The following TAF2 variants were observed in gnomAD, a reference collection of about 807,000 sequenced individuals.
The protein encoded by TAF2 is TATA-box binding protein associated factor 2.
Under a neutral mutation model 138.5 loss-of-function variants are expected in TAF2, and 61 were observed. The observed-to-expected ratio is 0.44, with a 90% confidence interval of 0.36 to 0.54. TAF2 has a LOEUF of 0.54. TAF2 is among the 20% of genes least tolerant of loss of function. The probability of loss-of-function intolerance (pLI) is 0.00; values close to 1 mark genes in which losing one functional copy is unlikely to be tolerated. For synonymous variants in TAF2, 475 were observed against 469.9 expected (o/e 1.01, Z -0.14); for missense variants, 1,090 against 1,427.9 (o/e 0.76, Z 3.81).
rs982790632 is a variant in TAF2 at position 119,832,560 on chromosome 8, G to T, written c.5C>A (p.Pro2Gln). The T allele has an allele frequency of 4.3e-6, 7 of 1,612,882 alleles. No individual in the cohort carries two copies. The highest frequency in any genetic ancestry group is 1.1e-5 in the South Asian group (1 of 91,068). The part of the protein sequence containing the change: M[P>Q]LTGVEPARMN... ...TCTGGCGGGCTCTACACCAGTCAGC[G>T]GCATGAAGCGGTCCCGCGGAGCTTG... The change falls in exon 1 of 26, where the codon CCG becomes CAG. Residue 2 changes from proline to glutamine, a missense_variant. Physicochemically the swap from Pro to Gln is moderately conservative, Grantham distance 76. Around this residue, in one of 3 missense-constraint regions of TAF2, gnomAD observed 504 missense variants for 680.9 expected, o/e 0.74. Coordinates refer to ENST00000378164, the MANE Select transcript of TAF2 (RefSeq NM_003184.4).
At chr8:119,783,907 A>C (rs574537988) in intron 15 of TAF2, among the ~76,000 whole-genome samples, 48 of 152,328 alleles carry the variant, frequency 3.2e-4, no homozygotes, top group African/African-American at 1.1e-3. Flanking sequence ...TTTACAAAGG[A>C]CACTGAATCT....
At chr8:119,791,679 C>T in intron 10 of TAF2, 6 of 481,222 alleles carry the variant, frequency 1.2e-5, no homozygotes, top group East Asian at 1.1e-4. Flanking sequence ...GAAACAAACA[C>T]CAAGCTCCTA....
intron 3 of TAF2, among the ~76,000 whole-genome samples, chr8:119,813,195 T>C (rs1825218053): frequency 6.6e-6 from 1 of 152,222 alleles, no homozygotes; most frequent in Non-Finnish European, 1.5e-5. Flanking sequence ...TCCCTGATCA[T>C]TAGTGATGTT....
intron 18 of TAF2, among the ~76,000 whole-genome samples, chr8:119,775,991 G>A (rs895604483): frequency 1.3e-5 from 2 of 152,036 alleles, no homozygotes; most frequent in Admixed American, 1.3e-4. Context: ...AGCCATTTGA[G>A]CAAAACAATA....
Position 119,831,828 on chromosome 8 carries a change from T to G in TAF2, c.84-97A>C, listed in dbSNP as rs1450921211. 4 of 819,106 alleles carry G rather than the reference T, an allele frequency of 4.9e-6. No homozygotes were observed. In the Admixed American group the frequency reaches 1.1e-4, roughly 23 times the overall value. 50.7% of individuals were successfully genotyped at this position (819,106 alleles called of 1,614,324 possible). ...CCAAGTATAAATTAGGACTATGTTC[T>G]AAGTAATTCAAAATTACATGTCAAT... On this transcript the variant is annotated intron_variant, in intron 1 of 25. Coordinates refer to ENST00000378164, the MANE Select transcript of TAF2 (RefSeq NM_003184.4).
chr8:119,745,176 T>C lies in TAF2; in HGVS notation c.3109-783A>G, dbSNP rs1164593500. 11 of 345,630 alleles carry C rather than the reference T, an allele frequency of 3.2e-5. No homozygotes were observed. The Admixed American group carries it at 4.1e-4, about 13-fold the overall frequency. 21.4% of individuals were successfully genotyped at this position (345,630 alleles called of 1,614,324 possible). ...TTATCAGCAATGGGCTTAAAATAAA[T>C]GTAATCTTTTCTTGTCTGCTGGTCT... On this transcript the variant is annotated intron_variant, in intron 23 of 25. Transcript: ENST00000378164.
rs1374559706 is a variant in TAF2, at chr8:119,732,202, T to C, written c.3338-16A>G. Reference sequence around the variant, plus strand: ...TGTTCTTTACCTTCAAGATTAAAAATACCCAAATGAATTCCTGCTGATGAT... The same window carrying C: ...TGTTCTTTACCTTCAAGATTAAAAACACCCAAATGAATTCCTGCTGATGAT... On this transcript the variant is annotated splice_polypyrimidine_tract_variant and intron_variant, in intron 25 of 25. Coordinates refer to ENST00000378164, the MANE Select transcript of TAF2 (RefSeq NM_003184.4). The C allele has an allele frequency of 1.2e-6, 2 of 1,611,128 alleles. No homozygotes were observed. The highest frequency in any genetic ancestry group is 1.7e-6 in the Non-Finnish European group (2 of 1,177,382).
intron 2 of TAF2, among the ~76,000 whole-genome samples, chr8:119,822,396 A>AT (rs1825852736): frequency 6.6e-6 from 1 of 151,466 alleles, no homozygotes; most frequent in Non-Finnish European, 1.5e-5. Flanking sequence ...TTAATTAAAA[A>AT]TTTTTTTCTC....
At chr8:119,757,627 C>T (rs558026095) in intron 21 of TAF2, among the ~76,000 whole-genome samples, 2 of 150,260 alleles carry the variant, frequency 1.3e-5, no homozygotes, top group Admixed American at 6.6e-5. Context: ...GTGGCTCACA[C>T]CTATAATCCT....
rs1489420701 is a variant in TAF2, at chr8:119,803,974, G to A, written c.464C>T (p.Pro155Leu). The A allele has an allele frequency of 1.2e-6, 2 of 1,613,872 alleles. No homozygotes were observed. Among genetic ancestry groups the A allele is most frequent in the South Asian group, 2.2e-5 (2 of 91,066 alleles). The part of the protein sequence containing the change: ...KIHINFSLDQ[P>L]KGGLHFVVPS... ...TACCACAAAATGAAGACCTCCTTTG[G>A]GCTGATCCAAAGAAAAATTGATGTG... The change falls in exon 5 of 26, where the codon CCC becomes CTC. Residue 155 changes from proline to leucine, a missense_variant. By Grantham distance (98) the Pro-to-Leu change is moderately conservative (BLOSUM62 -3). This residue lies in a region of TAF2 where 504 missense variants were observed against 680.9 expected (regional missense o/e 0.74). Transcript: ENST00000378164.
intron 8 of TAF2, 21 bp from the exon 9 acceptor site, chr8:119,795,652 T>C (rs368919090): frequency 1.9e-6 from 3 of 1,602,446 alleles, no homozygotes; most frequent in Non-Finnish European, 2.6e-6. Flanking sequence ...AGTCAAAGCA[T>C]AAATTACTTT....
chr8:119,781,275 A>G, intron 16 of TAF2, 82 bp from the exon 17 acceptor site: 1 of 1,489,994 alleles, frequency 6.7e-7, no homozygotes, highest in Non-Finnish European at 9.2e-7. Flanking sequence ...AAAAGTTATC[A>G]ATACTACAAC....
chr8:119,758,016 T>C (rs1462011655), intron 21 of TAF2, 57 bp downstream of exon 21: 2 of 1,388,408 alleles, frequency 1.4e-6, no homozygotes, highest in East Asian at 4.6e-5. Flanking sequence ...AATCTGAAAT[T>C]ACTCAGTTCA....
At chr8:119,760,810 G>C (rs1392277267) in intron 19 of TAF2, 72 bp from the exon 20 acceptor site, 2 of 1,594,502 alleles carry the variant, frequency 1.3e-6, no homozygotes, top group Non-Finnish European at 8.6e-7. Context: ...CTAGGCATTA[G>C]AGAATCCTTT....
intron 8 of TAF2, among the ~76,000 whole-genome samples, chr8:119,796,283 G>C (rs957447626): frequency 1.3e-5 from 2 of 151,660 alleles, no homozygotes; most frequent in Admixed American, 1.3e-4. Flanking sequence ...TCTATCTTTA[G>C]TCTCTGCCCT....
chr8:119,802,135 T>G, intron 5 of TAF2, 110 bp from the exon 6 acceptor site: 1 of 946,768 alleles, frequency 1.1e-6, no homozygotes, highest in Non-Finnish European at 1.6e-6. Context: ...ACAAAACCTT[T>G]AGCTATTTGG....
At chr8:119,782,557 T>C (rs913412560) in intron 16 of TAF2, among the ~76,000 whole-genome samples, 1 of 152,168 alleles carries the variant, frequency 6.6e-6, no homozygotes, top group African/African-American at 2.4e-5. Flanking sequence ...ATAGGACATA[T>C]GGATTTAACA....
intron 6 of TAF2, among the ~76,000 whole-genome samples, chr8:119,800,775 G>A (rs1018147740): frequency 2.6e-5 from 4 of 152,172 alleles, no homozygotes; most frequent in Non-Finnish European, 4.4e-5. Context: ...GGAGCTCACC[G>A]AAAGCCTGCT....
rs1281795045 is a variant in TAF2 at position 119,812,793 on chromosome 8, C to T, written c.300-6392G>A. ...TATGGTGTATGTGTGTGTGTATATA[C>T]ACACATGTATACATACACCACACAT... On this transcript the variant is annotated intron_variant, in intron 3 of 25. Transcript: ENST00000378164. Among the ~76,000 whole-genome samples, 97 of 10,806 alleles carry T rather than the reference C, an allele frequency of 9.0e-3. 1 individual carries two copies. The highest frequency in any genetic ancestry group is 3.2e-3 in the Non-Finnish European group (21 of 6,482). The allele number at this position is 10,806 out of a possible 152,430, so 7.1% of individuals were successfully genotyped here. A position where few individuals can be genotyped will look rare whatever the true frequency, so the allele number is the denominator to read the frequency against.
Sources: gnomAD v4.1 joint callset for allele counts (sites outside exome capture counted in the v4.1 genomes callset) on GRCh38, gnomAD v4.1.1 for gene constraint, gnomAD v4.1.1 regional missense constraint, MANE v1.5 for transcripts, NCBI Gene and HGNC (gene_info 2026-07-23, HGNC 2026-07-21) for gene names.